The following CHRM3 variants were observed in gnomAD, a reference collection of about 807,000 sequenced individuals.
The protein encoded by CHRM3 is muscarinic acetylcholine receptor M3.
In CHRM3, 11 loss-of-function variants were observed where a neutral mutation model predicts 41.8. That is an observed-to-expected ratio of 0.26 (90% CI 0.17 to 0.44). The LOEUF (loss-of-function observed/expected upper bound fraction) is 0.44, where lower values mean the gene tolerates loss of function less well. CHRM3 is among the 20% of genes least tolerant of loss of function. CHRM3 has a pLI of 1.00. For synonymous variants in CHRM3, 297 were observed against 301.4 expected, an observed-to-expected ratio of 0.99 and a Z score of 0.15; for missense variants, 571 against 745.4, an observed-to-expected ratio of 0.77 and a Z score of 2.72.
chr1:239,443,073 G>A, intron 1 of CHRM3, among the ~76,000 whole-genome samples: 1 of 152,116 alleles, frequency 6.6e-6, no homozygotes, highest in Non-Finnish European at 1.5e-5. Context: ...ATGGTTTTAT[G>A]TATTTAATTT....
chr1:239,614,898 T>C (rs1045404621), intron 3 of CHRM3, among the ~76,000 whole-genome samples: 2 of 152,138 alleles, frequency 1.3e-5, no homozygotes, highest in Non-Finnish European at 2.9e-5. Context: ...AGAAGATGAG[T>C]GTCTAATTGC....
intron 6 of CHRM3, among the ~76,000 whole-genome samples, chr1:239,847,186 G>A (rs775300595): frequency 1.3e-5 from 2 of 152,144 alleles, no homozygotes; most frequent in Non-Finnish European, 2.9e-5. Flanking sequence ...TCTTTTAAAG[G>A]AGACTTTCCA....
intron 1 of CHRM3, among the ~76,000 whole-genome samples, chr1:239,406,704 C>A (rs549664807): frequency 6.6e-6 from 1 of 152,336 alleles, no homozygotes; most frequent in East Asian, 1.9e-4. Context: ...GTAATGCCCA[C>A]TGACCCTTTA....
chr1:239,853,343 T>C (rs1280406591), intron 6 of CHRM3, among the ~76,000 whole-genome samples: 1 of 151,990 alleles, frequency 6.6e-6, no homozygotes, highest in East Asian at 1.9e-4. Context: ...AAATCTGAAC[T>C]CTGCCCAATT....
At chr1:239,890,807 C>T (rs1248643637) in intron 6 of CHRM3, among the ~76,000 whole-genome samples, 1 of 152,068 alleles carries the variant, frequency 6.6e-6, no homozygotes, top group Admixed American at 6.5e-5. Flanking sequence ...TGGGAGTTGG[C>T]AATTGCAAAA....
chr1:239,815,656 G>T (rs888037891), intron 5 of CHRM3, among the ~76,000 whole-genome samples: 1 of 152,160 alleles, frequency 6.6e-6, no homozygotes, highest in African/African-American at 2.4e-5. Flanking sequence ...TTACCACAGG[G>T]TAGGTCTAAT....
At chr1:239,677,671 G>T (rs1346617309) in intron 4 of CHRM3, among the ~76,000 whole-genome samples, 4 of 152,134 alleles carry the variant, frequency 2.6e-5, no homozygotes, top group Non-Finnish European at 5.9e-5. Flanking sequence ...CACCCATGAG[G>T]TCACAGCCCT....
chr1:239,896,450 G>A (rs1275983525), intron 6 of CHRM3, among the ~76,000 whole-genome samples: 2 of 152,336 alleles, frequency 1.3e-5, no homozygotes, highest in African/African-American at 4.8e-5. Flanking sequence ...TTTACTGTGT[G>A]AAATAATGAT....
intron 5 of CHRM3, among the ~76,000 whole-genome samples, chr1:239,690,179 T>C (rs971222807): frequency 1.3e-5 from 2 of 152,174 alleles, no homozygotes; most frequent in African/African-American, 4.8e-5. Context: ...TCTCCAACTT[T>C]GTATGAGAGC....
rs560192476 is a variant in CHRM3 at position 239,756,877 on chromosome 1, C to T, written c.-146-70375C>T. Among the ~76,000 whole-genome samples, 40 of 152,232 alleles carry T rather than the reference C, an allele frequency of 2.6e-4. No individual in the cohort carries two copies. In the South Asian group the frequency reaches 8.3e-3, roughly 32 times the overall value. Reference sequence around the variant, plus strand: ...TAATGCTTTGCATAATAATTTTGCACAGAGGTATATTTTAGACTGTTTTTA... The same window carrying T: ...TAATGCTTTGCATAATAATTTTGCATAGAGGTATATTTTAGACTGTTTTTA... On this transcript the variant is annotated intron_variant, in intron 5 of 6. Transcript: ENST00000676153.
chr1:239,747,688 T>C (rs1665486488), intron 5 of CHRM3, among the ~76,000 whole-genome samples: 1 of 152,238 alleles, frequency 6.6e-6, no homozygotes, highest in South Asian at 2.1e-4. Context: ...ATTAGTAACA[T>C]GTTTTCAAAC....
chr1:239,814,647 G>A (rs1231548008), intron 5 of CHRM3, among the ~76,000 whole-genome samples: 1 of 152,180 alleles, frequency 6.6e-6, no homozygotes, highest in Non-Finnish European at 1.5e-5. Context: ...TAGTGAGAAA[G>A]ATGGTCCACA....
At chr1:239,892,653 A>C (rs1046186800) in intron 6 of CHRM3, among the ~76,000 whole-genome samples, 2 of 152,144 alleles carry the variant, frequency 1.3e-5, no homozygotes, top group Non-Finnish European at 2.9e-5. Context: ...TCTAGTGGGG[A>C]AAAATGAATC....
At chr1:239,605,485 C>A (rs1320206198) in intron 3 of CHRM3, among the ~76,000 whole-genome samples, 1 of 152,096 alleles carries the variant, frequency 6.6e-6, no homozygotes, top group Non-Finnish European at 1.5e-5. Context: ...CACCTAATAG[C>A]ACATTTCTTA....
intron 3 of CHRM3, among the ~76,000 whole-genome samples, chr1:239,608,743 G>A (rs1666658405): frequency 6.6e-6 from 1 of 152,152 alleles, no homozygotes; most frequent in African/African-American, 2.4e-5. Flanking sequence ...AAAATGGCAA[G>A]TTTCAGCAAG....
intron 2 of CHRM3, among the ~76,000 whole-genome samples, chr1:239,532,318 T>C (rs1657684931): frequency 7.1e-6 from 1 of 141,806 alleles, no homozygotes; most frequent in Admixed American, 7.0e-5. Context: ...GCTGGTGGAG[T>C]ATATTTCTTA....
intron 4 of CHRM3, among the ~76,000 whole-genome samples, chr1:239,634,392 A>AGAAAGAAAGAAAGAAAG (rs1558401929): frequency 6.7e-6 from 1 of 150,298 alleles, no homozygotes; most frequent in African/African-American, 2.4e-5. Flanking sequence ...AAAGAAAGAA[A>AGAAAGAAAGAAAGAAAG]GAAAGAAAGA....
chr1:239,512,919 T>A (rs1295249690), intron 2 of CHRM3, among the ~76,000 whole-genome samples: 1 of 152,104 alleles, frequency 6.6e-6, no homozygotes, highest in Admixed American at 6.6e-5. Context: ...TCTCCCATCA[T>A]TCTTGGGGCT....
intron 5 of CHRM3, among the ~76,000 whole-genome samples, chr1:239,776,385 G>A (rs1299529354): frequency 1.3e-5 from 2 of 152,176 alleles, no homozygotes; most frequent in African/African-American, 2.4e-5. Context: ...TTATGTAAGT[G>A]TATCTTAAAA....
Sources: allele counts gnomAD v4.1 joint callset (sites outside exome capture counted in the v4.1 genomes callset), GRCh38; gene constraint gnomAD v4.1.1; transcripts MANE v1.5; gene names NCBI Gene and HGNC (gene_info 2026-07-23, HGNC 2026-07-21).